The following SSU72L3 variants were observed in gnomAD, a reference collection of about 807,000 sequenced individuals.
SSU72L3 encodes the protein RNA polymerase II subunit A C-terminal domain phosphatase SSU72 like protein 3.
the SSU72L3 span, chr11:4,330,377 T>A: frequency 1.3e-6 from 1 of 759,954 alleles, no homozygotes; most frequent in Non-Finnish European, 2.4e-6. Context: ...TAGAAGACAA[T>A]CTGGAGGAGC....
the SSU72L3 span, chr11:4,329,838 T>C: frequency 1.5e-6 from 1 of 663,228 alleles, no homozygotes; most frequent in Non-Finnish European, 2.7e-6. Flanking sequence ...GGTGCCTGTG[T>C]CTCTCTGGTT....
the SSU72L3 span, chr11:4,330,281 G>T: frequency 1.3e-6 from 1 of 758,596 alleles, no homozygotes; most frequent in African/African-American, 1.7e-5. Flanking sequence ...TGATCAACAT[G>T]GACATCCAAG....
the SSU72L3 span, chr11:4,329,818 C>T: frequency 1.7e-5 from 11 of 630,960 alleles, no homozygotes; most frequent in South Asian, 4.0e-5. Context: ...CGAGTCCCTG[C>T]AGCAACTGAG....
At chr11:4,329,831 G>A in the SSU72L3 span, 770 of 654,608 alleles carry the variant, frequency 1.2e-3, 9 homozygotes, top group Middle Eastern at 6.4e-3. Flanking sequence ...CAACTGAGGT[G>A]CCTGTGTCTC....
chr11:4,330,069 C>G, the SSU72L3 span: 1 of 775,034 alleles, frequency 1.3e-6, no homozygotes, highest in Non-Finnish European at 2.4e-6. Flanking sequence ...CAATGACCTC[C>G]TCAGGAAAGA....
At chr11:4,330,781 G>T in the SSU72L3 span, among the ~76,000 whole-genome samples, 1,072 of 140,292 alleles carry the variant, frequency 7.6e-3, no homozygotes, top group East Asian at 0.034. Flanking sequence ...ATGGACTGCT[G>T]GAAAAATGAT....
At chr11:4,329,803 G>T in the SSU72L3 span, 4 of 605,274 alleles carry the variant, frequency 6.6e-6, no homozygotes, top group South Asian at 4.2e-5. Context: ...TCGTCTCCTC[G>T]GCTCCGAGTC....
chr11:4,330,728 C>T, the SSU72L3 span, among the ~76,000 whole-genome samples: 1 of 152,178 alleles, frequency 6.6e-6, no homozygotes. Context: ...AGGAAGCTAG[C>T]CCACCATGAC....
chr11:4,330,753 A>G, the SSU72L3 span, among the ~76,000 whole-genome samples: 8,415 of 122,404 alleles, frequency 0.069, 5 homozygotes, highest in African/African-American at 0.19. Flanking sequence ...TTTTCCAGAT[A>G]AGCAAACCGA....
the SSU72L3 span, chr11:4,330,444 T>C: frequency 3.2e-5 from 20 of 629,226 alleles, no homozygotes; most frequent in Admixed American, 5.7e-4. Context: ...CGTCTGCTTC[T>C]ACTGAACATC....
At chr11:4,330,794 G>T in the SSU72L3 span, among the ~76,000 whole-genome samples, 2 of 152,140 alleles carry the variant, frequency 1.3e-5, no homozygotes, top group East Asian at 1.9e-4. Flanking sequence ...AAAATGATTT[G>T]TTTAAGGGTA....
chr11:4,330,731 A>G, the SSU72L3 span, among the ~76,000 whole-genome samples: 1 of 152,212 alleles, frequency 6.6e-6, no homozygotes, highest in Non-Finnish European at 1.5e-5. Flanking sequence ...AAGCTAGCCC[A>G]CCATGACGCC....
At chr11:4,330,027 T>A in the SSU72L3 span, 1 of 776,032 alleles carries the variant, frequency 1.3e-6, no homozygotes. Context: ...TCCTGTAGTT[T>A]ATGATTTTGC....
At chr11:4,329,893 T>A in the SSU72L3 span, 2 of 727,920 alleles carry the variant, frequency 2.7e-6, no homozygotes, top group Non-Finnish European at 5.1e-6. Context: ...AGGGTGGCTG[T>A]GGTGTGCGTG....
At chr11:4,330,310 C>T in the SSU72L3 span, 3 of 761,392 alleles carry the variant, frequency 3.9e-6, no homozygotes, top group African/African-American at 3.4e-5. Flanking sequence ...GAAGATGCCA[C>T]CCTGGGAGCT....
the SSU72L3 span, chr11:4,329,983 C>A: frequency 7.9e-6 from 6 of 758,468 alleles, no homozygotes; most frequent in Non-Finnish European, 1.5e-5. Flanking sequence ...GGAACTGAAT[C>A]TCATGTGAGG....
At chr11:4,329,878 C>T in the SSU72L3 span, 5 of 724,136 alleles carry the variant, frequency 6.9e-6, no homozygotes, top group Admixed American at 1.9e-5. Flanking sequence ...CTCTCCTCCC[C>T]ACTCAGGGTG....
At chr11:4,329,982 T>G in the SSU72L3 span, 1 of 757,864 alleles carries the variant, frequency 1.3e-6, no homozygotes, top group Admixed American at 1.8e-5. Flanking sequence ...TGGAACTGAA[T>G]CTCATGTGAG....
At chr11:4,330,621 G>T in the SSU72L3 span, among the ~76,000 whole-genome samples, 3 of 152,092 alleles carry the variant, frequency 2.0e-5, no homozygotes, top group Non-Finnish European at 4.4e-5. Flanking sequence ...TATGGGAAAT[G>T]AGAAGGACTA....
Sources: gnomAD v4.1 joint callset for allele counts (sites outside exome capture counted in the v4.1 genomes callset) on GRCh38, gnomAD v4.1.1 for gene constraint, MANE v1.5 for transcripts, NCBI Gene and HGNC (gene_info 2026-07-23, HGNC 2026-07-21) for gene names.